The following MITF variants were observed in gnomAD, a reference collection of about 807,000 sequenced individuals.
The protein encoded by MITF is microphthalmia-associated transcription factor.
MITF carries 17 observed loss-of-function variants against 60.5 expected under a neutral mutation model. That is an observed-to-expected ratio of 0.28 (90% CI 0.19 to 0.42). The LOEUF is 0.42. Among genes scored for constraint, MITF ranks in the 10% least tolerant of loss-of-function variants. MITF has a pLI of 1.00. For missense variants in MITF, 622 were observed against 683.5 expected (o/e 0.91, Z 1.00); for synonymous variants, 260 against 248.5 (o/e 1.05, Z -0.43).
intron 1 of MITF, among the ~76,000 whole-genome samples, chr3:69,825,903 A>G (rs955927255): frequency 6.6e-6 from 1 of 152,180 alleles, no homozygotes; most frequent in Non-Finnish European, 1.5e-5. Flanking sequence ...CTAATGATTT[A>G]TTTCTTTATA....
chr3:69,796,494 C>CTTTTTTTTTTTTGTTT (rs2062830421), intron 1 of MITF, among the ~76,000 whole-genome samples: 1 of 80,328 alleles, frequency 1.2e-5, no homozygotes, highest in Non-Finnish European at 2.6e-5. Flanking sequence ...CACCGTCTTT[C>CTTTTTTTTTTTTGTTT]TTTTTTTTTT....
At chr3:69,869,822 C>G (rs920242860) in intron 1 of MITF, among the ~76,000 whole-genome samples, 4 of 152,120 alleles carry the variant, frequency 2.6e-5, no homozygotes, top group Non-Finnish European at 4.4e-5. Flanking sequence ...CTGCCTCCCC[C>G]TCAGGAGGTA....
intron 1 of MITF, among the ~76,000 whole-genome samples, chr3:69,845,438 C>CTTTTT (rs202135701): frequency 7.5e-6 from 1 of 133,676 alleles, no homozygotes; most frequent in Non-Finnish European, 1.6e-5. Flanking sequence ...TTTCTTTTTT[C>CTTTTT]TTTCTTTTTT....
intron 1 of MITF, among the ~76,000 whole-genome samples, chr3:69,859,183 A>T (rs1219748445): frequency 6.6e-6 from 1 of 152,240 alleles, no homozygotes; most frequent in Non-Finnish European, 1.5e-5. Context: ...CATAGGAGTG[A>T]CACATTTATT....
At chr3:69,753,172 A>G (rs931922534) in intron 1 of MITF, among the ~76,000 whole-genome samples, 1 of 152,212 alleles carries the variant, frequency 6.6e-6, no homozygotes, top group African/African-American at 2.4e-5. Context: ...CTCCAGATCC[A>G]GCTATGGCTC....
intron 1 of MITF, among the ~76,000 whole-genome samples, chr3:69,777,402 C>A (rs943049536): frequency 6.6e-6 from 1 of 152,136 alleles, no homozygotes; most frequent in Non-Finnish European, 1.5e-5. Flanking sequence ...CATATTTAAA[C>A]CTGTGTGTTG....
chr3:69,962,872 A>T (rs1461150155), intron 9 of MITF, among the ~76,000 whole-genome samples: 1 of 152,206 alleles, frequency 6.6e-6, no homozygotes, highest in Non-Finnish European at 1.5e-5. Context: ...GGTGGTAAAC[A>T]AGAGTTATTT....
chr3:69,947,368 T>C lies in MITF; in HGVS notation c.763-1683T>C, dbSNP rs934058762. Among the ~76,000 whole-genome samples the C allele has an allele frequency of 2.6e-5, 4 of 152,182 alleles. No individual in the cohort carries two copies. The East Asian group carries it at 7.7e-4, about 29-fold the overall frequency. On this transcript the variant is annotated intron_variant, in intron 5 of 9. Transcript: ENST00000352241. ...TATAAGTTTAGTCTTTCTGGTACTT[T>C]ACAGGGCTGTTTTGAAACATGTGAG...
intron 1 of MITF, among the ~76,000 whole-genome samples, chr3:69,837,629 A>G (rs2063560038): frequency 6.6e-6 from 1 of 152,242 alleles, no homozygotes; most frequent in Non-Finnish European, 1.5e-5. Flanking sequence ...GAAGTATCTT[A>G]TCTTCAAATC....
intron 1 of MITF, among the ~76,000 whole-genome samples, chr3:69,873,823 G>A (rs2064291970): frequency 1.3e-5 from 2 of 152,288 alleles, no homozygotes; most frequent in South Asian, 4.2e-4. Flanking sequence ...CCAAACATCG[G>A]AATCAGTCAA....
intron 1 of MITF, among the ~76,000 whole-genome samples, chr3:69,771,961 T>C (rs2062401319): frequency 1.3e-5 from 2 of 152,212 alleles, no homozygotes; most frequent in African/African-American, 4.8e-5. Context: ...TAAATTAGAC[T>C]GGAAATTGGT....
At chr3:69,873,098 T>C (rs1490447783) in intron 1 of MITF, among the ~76,000 whole-genome samples, 1 of 152,212 alleles carries the variant, frequency 6.6e-6, no homozygotes, top group Non-Finnish European at 1.5e-5. Context: ...ATTCTTTTTC[T>C]TGATGACTAA....
At chr3:69,758,091 T>A (rs913694028) in intron 1 of MITF, among the ~76,000 whole-genome samples, 1 of 141,288 alleles carries the variant, frequency 7.1e-6, no homozygotes, top group Admixed American at 7.1e-5. Flanking sequence ...TATATATAAA[T>A]ATATATATAT....
chr3:69,852,228 A>T (rs1229152486), intron 1 of MITF, among the ~76,000 whole-genome samples: 1 of 152,224 alleles, frequency 6.6e-6, no homozygotes, highest in Non-Finnish European at 1.5e-5. Flanking sequence ...ACAGAAAAGT[A>T]TACACATCTT....
intron 5 of MITF, among the ~76,000 whole-genome samples, chr3:69,947,539 G>A (rs1366089880): frequency 2.0e-5 from 3 of 152,138 alleles, no homozygotes; most frequent in Non-Finnish European, 2.9e-5. Context: ...CAATTCCTTA[G>A]TTAGAGGGCC....
intron 1 of MITF, among the ~76,000 whole-genome samples, chr3:69,875,143 C>T (rs568134453): frequency 4.6e-5 from 7 of 152,302 alleles, no homozygotes; most frequent in African/African-American, 1.2e-4. Flanking sequence ...TCATGCAGCT[C>T]GGCAGTGACT....
chr3:69,929,426 G>A (rs1467373694), intron 2 of MITF, among the ~76,000 whole-genome samples: 1 of 152,114 alleles, frequency 6.6e-6, no homozygotes, highest in Non-Finnish European at 1.5e-5. Context: ...GTGGACAGGG[G>A]TCTGTAGAAT....
Position 69,964,842 on chromosome 3 carries a change from T to C in MITF, c.1180-5T>C, listed in dbSNP as rs757267092. 2.5e-6 allele frequency: 4 copies of C among 1,614,020 alleles called. No individual in the cohort carries two copies. The Admixed American group carries it at 6.7e-5, about 27-fold the overall frequency. On this transcript the variant is annotated splice_polypyrimidine_tract_variant and splice_region_variant and intron_variant, in intron 9 of 9. Transcript: ENST00000352241. ...TTCAGTGTTTTATCTTTACTCTTATTATAGGAACTTGAAATGCAGGCTCGA... is the reference window on the plus strand; with the variant it reads ...TTCAGTGTTTTATCTTTACTCTTATCATAGGAACTTGAAATGCAGGCTCGA...
intron 2 of MITF, among the ~76,000 whole-genome samples, chr3:69,885,189 T>C (rs1475367762): frequency 6.6e-6 from 1 of 152,084 alleles, no homozygotes; most frequent in Non-Finnish European, 1.5e-5. Flanking sequence ...AACATGGCGC[T>C]CTCTCTTTAA....
Sources: allele counts gnomAD v4.1 joint callset (sites outside exome capture counted in the v4.1 genomes callset), GRCh38; gene constraint gnomAD v4.1.1; transcripts MANE v1.5; gene names NCBI Gene and HGNC (gene_info 2026-07-23, HGNC 2026-07-21).